The following ITGA3 variants were observed in gnomAD, a reference collection of about 807,000 sequenced individuals.
ITGA3 encodes the protein integrin subunit alpha 3.
In ITGA3, 70 loss-of-function variants were observed where a neutral mutation model predicts 131.1. The ratio of observed to expected loss-of-function variants is 0.53; its 90% CI spans 0.44 to 0.65. ITGA3 has a LOEUF of 0.65. Among genes scored for constraint, ITGA3 ranks in the 30% least tolerant of loss-of-function variants. The pLI is 0.00. For synonymous variants in ITGA3, 537 were observed against 571.6 expected (o/e 0.94, Z 0.86); for missense variants, 1,098 against 1,388.6 (o/e 0.79, Z 3.33).
At chr17:50,061,557 C>A (rs1306952994) in intron 1 of ITGA3, among the ~76,000 whole-genome samples, 1 of 152,172 alleles carries the variant, frequency 6.6e-6, no homozygotes, top group African/African-American at 2.4e-5. Context: ...CAACCTCCAC[C>A]TCCAGCCAGA....
Position 50,080,303 on chromosome 17 carries a change from CCCCAT to C in ITGA3, c.2752_2756del (p.Ile918Ter). On this transcript the variant is annotated frameshift_variant, in exon 22 of 26. Coordinates refer to ENST00000320031, the MANE Select transcript of ITGA3 (RefSeq NM_002204.4). LOFTEE classifies it high-confidence loss of function. Reference sequence around the variant, plus strand: ...GTGCCCACTGTGTGTGGCTAGAGTGCCCCATCCCTGATGCCCCCGTTGTCACCAAC... The same window carrying C: ...GTGCCCACTGTGTGTGGCTAGAGTGCCCCTGATGCCCCCGTTGTCACCAAC... The C allele has an allele frequency of 6.2e-7, 1 of 1,613,186 alleles. No individual in the cohort carries two copies. Among genetic ancestry groups the C allele is most frequent in the Non-Finnish European group, 8.5e-7 (1 of 1,179,608 alleles).
At position 50,064,449 on chromosome 17, in the gene ITGA3, C is replaced by T; in HGVS notation, c.335-79C>T. Reference sequence around the variant, plus strand: ...TGTGGGTGGAGGGCCCAAGCGGGACCCACTCCTGCCCTCTGGAGACTTTGG... The same window carrying T: ...TGTGGGTGGAGGGCCCAAGCGGGACTCACTCCTGCCCTCTGGAGACTTTGG... On this transcript the variant is annotated intron_variant, in intron 2 of 25. Coordinates refer to ENST00000320031, the MANE Select transcript of ITGA3 (RefSeq NM_002204.4). The surrounding 1 kb of genome is among the most constrained non-coding windows in gnomAD (Gnocchi z 4.4). The T allele has an allele frequency of 7.1e-7, 1 of 1,399,620 alleles. No individual in the cohort carries two copies. The highest frequency in any genetic ancestry group is 9.8e-7 in the Non-Finnish European group (1 of 1,020,636). The allele number at this position is 1,399,620 out of a possible 1,614,324, so 86.7% of individuals were successfully genotyped here.
At chr17:50,085,669 A>T (rs890833716) in intron 23 of ITGA3, among the ~76,000 whole-genome samples, 17 of 148,912 alleles carry the variant, frequency 1.1e-4, no homozygotes, top group African/African-American at 2.4e-4. Context: ...GTCTCAAAAA[A>T]ATATATATAT....
chr17:50,060,451 C>T (rs1358480615), intron 1 of ITGA3, among the ~76,000 whole-genome samples: 1 of 152,236 alleles, frequency 6.6e-6, no homozygotes, highest in Non-Finnish European at 1.5e-5. Context: ...TTTGATTCTT[C>T]TGCTTTCTCC....
rs1298101094 is a variant in ITGA3 at position 50,056,698 on chromosome 17, G to C, written c.206+53G>C. 2.0e-6 allele frequency: 3 copies of C among 1,532,788 alleles called. No homozygotes were observed. The African/African-American group carries it at 4.2e-5, about 21-fold the overall frequency. 94.9% of individuals were successfully genotyped at this position (1,532,788 alleles called of 1,614,324 possible). A position where few individuals can be genotyped will look rare whatever the true frequency, so the allele number is the denominator to read the frequency against. ...GGAGCGAGAGAGTGTGCGAGCGCGG[G>C]ATGCGGGTCCGGAGCTGAGTCGGAG... On this transcript the variant is annotated intron_variant, in intron 1 of 25. Transcript: ENST00000320031. The surrounding 1 kb of genome is among the most constrained non-coding windows in gnomAD (Gnocchi z 5.6).
rs763321144 is a variant in ITGA3, at chr17:50,074,300, A to G, written c.1382+20A>G. 4.2e-5 allele frequency: 67 copies of G among 1,612,810 alleles called. No homozygotes were observed. The highest frequency in any genetic ancestry group is 5.7e-5 in the Non-Finnish European group (67 of 1,179,338). On this transcript the variant is annotated intron_variant, in intron 9 of 25. Coordinates refer to ENST00000320031, the MANE Select transcript of ITGA3 (RefSeq NM_002204.4). ...GCTGCGGTGAGCCAGGAGGCCAGTG[A>G]ATAAGGGTCTTTCTCTTCTTCATCT... is the stretch of plus-strand genomic sequence containing the variant.
intron 25 of ITGA3, 26 bp downstream of exon 25, chr17:50,088,392 C>T: frequency 4.6e-6 from 6 of 1,296,934 alleles, no homozygotes; most frequent in Non-Finnish European, 6.5e-6. Flanking sequence ...GGCCCCCTTC[C>T]CCGAGCCCCA....
intron 7 of ITGA3, among the ~76,000 whole-genome samples, chr17:50,073,521 G>A (rs1908723549): frequency 1.3e-5 from 2 of 151,926 alleles, no homozygotes; most frequent in Non-Finnish European, 2.9e-5. Context: ...AGTCCAGGAG[G>A]TTGAGGCTGC....
chr17:50,086,947 G>C (rs996649221), intron 23 of ITGA3: 1 of 152,150 alleles, frequency 6.6e-6, no homozygotes, highest in Admixed American at 6.6e-5. Context: ...AGCTACTCGG[G>C]AGGCTGAGGC....
chr17:50,079,715 G>T (rs1192119547), intron 21 of ITGA3, among the ~76,000 whole-genome samples, 158 bp downstream of exon 21: 9 of 152,246 alleles, frequency 5.9e-5, no homozygotes, highest in Non-Finnish European at 2.9e-5. Flanking sequence ...CTCATCTCCT[G>T]CCCTCAGAGG....
In ITGA3 at chr17:50,064,849, G is replaced by A. The variant is rs771692430; in HGVS notation, c.414+242G>A. 6.8e-6 allele frequency: 3 copies of A among 444,078 alleles called. No individual in the cohort carries two copies. Among genetic ancestry groups the A allele is most frequent in the African/African-American group, 4.1e-5 (2 of 48,828 alleles). 27.5% of individuals were successfully genotyped at this position (444,078 alleles called of 1,614,324 possible). ...GTTCTCTGACTCATCCACTTCCTCCGCATGCCTACACTGGGTGCTCAGCCT... is the reference window on the plus strand; with the variant it reads ...GTTCTCTGACTCATCCACTTCCTCCACATGCCTACACTGGGTGCTCAGCCT... On this transcript the variant is annotated intron_variant, in intron 3 of 25. Transcript: ENST00000320031. This position sits in a 1 kb window ranked among gnomAD's most constrained non-coding sequence, Gnocchi z 4.4.
intron 1 of ITGA3, among the ~76,000 whole-genome samples, chr17:50,058,031 C>T (rs916663281): frequency 2.5e-4 from 38 of 152,328 alleles, no homozygotes; most frequent in African/African-American, 8.9e-4. Flanking sequence ...GCTCTTTCTG[C>T]CCTAACTGAG....
At chr17:50,078,719 A>G in intron 18 of ITGA3, 105 bp from the exon 19 acceptor site, 1 of 696,544 alleles carries the variant, frequency 1.4e-6, no homozygotes, top group Non-Finnish European at 2.6e-6. Context: ...TATTGAGGTG[A>G]CTGATGTCAG....
intron 16 of ITGA3, among the ~76,000 whole-genome samples, 193 bp from the exon 17 acceptor site, chr17:50,077,853 T>C (rs1050321548): frequency 1.3e-5 from 2 of 152,116 alleles, no homozygotes; most frequent in African/African-American, 4.8e-5. Context: ...GTAGCAGAGA[T>C]GTGACCTGAT....
Position 50,072,052 on chromosome 17 carries a change from C to T in ITGA3, c.1026C>T (p.Ile342=). 6.2e-7 allele frequency: 1 copy of T among 1,614,132 alleles called. No homozygotes were observed. Among genetic ancestry groups the T allele is most frequent in the Non-Finnish European group, 8.5e-7 (1 of 1,180,014 alleles). The change falls in exon 7 of 26, where the codon ATC becomes ATT. Residue 342 remains isoleucine (I), a synonymous_variant. Coordinates refer to ENST00000320031, the MANE Select transcript of ITGA3 (RefSeq NM_002204.4). ...FERKEEVGGA[I]YVFMNQAGTS... is the part of the protein sequence containing the mutation. ...GGAAAGAGGAAGTAGGGGGTGCCATCTATGTCTTCATGAACCAGGCGGGAA... is the reference window on the plus strand; with the variant it reads ...GGAAAGAGGAAGTAGGGGGTGCCATTTATGTCTTCATGAACCAGGCGGGAA...
At chr17:50,069,096 C>A (rs917123294) in intron 4 of ITGA3, among the ~76,000 whole-genome samples, 1 of 152,102 alleles carries the variant, frequency 6.6e-6, no homozygotes, top group African/African-American at 2.4e-5. Flanking sequence ...GATCCGCTCA[C>A]CTCGGTCTCC....
chr17:50,083,179 T>C (rs1431369025), intron 23 of ITGA3, among the ~76,000 whole-genome samples: 8 of 152,144 alleles, frequency 5.3e-5, no homozygotes, highest in Non-Finnish European at 5.9e-5. Context: ...GATTATTAAG[T>C]AGTGTTGGGA....
At chr17:50,074,656 C>T (rs747117371) in intron 10 of ITGA3, 122 bp downstream of exon 10, 12 of 702,650 alleles carry the variant, frequency 1.7e-5, no homozygotes, top group Non-Finnish European at 2.2e-5. Flanking sequence ...TTCTTGGGGC[C>T]AGCATTTGCC....
rs538716387 is a variant in ITGA3 at position 50,074,086 on chromosome 17, G to A, written c.1246-58G>A. On this transcript the variant is annotated intron_variant, in intron 8 of 25. Coordinates refer to ENST00000320031, the MANE Select transcript of ITGA3 (RefSeq NM_002204.4). Reference sequence around the variant, plus strand: ...GCTTTCCTTCACCCAACCCTTCCCTGTAGCCCCCTGGGCCCTGCTCCCCAG... The same window carrying A: ...GCTTTCCTTCACCCAACCCTTCCCTATAGCCCCCTGGGCCCTGCTCCCCAG... 134 of 1,557,844 alleles carry A rather than the reference G, an allele frequency of 8.6e-5. No individual in the cohort carries two copies. The Admixed American group carries it at 2.2e-3, about 26-fold the overall frequency.
Sources: allele counts gnomAD v4.1 joint callset (sites outside exome capture counted in the v4.1 genomes callset), GRCh38; gene constraint gnomAD v4.1.1; non-coding constraint Gnocchi (gnomAD v3.1); transcripts MANE v1.5; gene names NCBI Gene and HGNC (gene_info 2026-07-23, HGNC 2026-07-21).